Variants in CSGALNACT1 observed in about 807,000 individuals in gnomAD.
CSGALNACT1 encodes the protein chondroitin sulfate N-acetylgalactosaminyltransferase 1.
In CSGALNACT1, 52 loss-of-function variants were observed where a neutral mutation model predicts 51.0. That is an observed-to-expected ratio of 1.02 (90% confidence interval 0.82 to 1.29). The LOEUF is 1.29. Among genes scored for constraint, CSGALNACT1 ranks in the 50% most tolerant of loss-of-function variants. CSGALNACT1 has a pLI of 0.00. For synonymous variants in CSGALNACT1, 341 were observed against 254.4 expected, an observed-to-expected ratio of 1.34 and a Z score of -3.24; for missense variants, 935 against 679.2, an observed-to-expected ratio of 1.38 and a Z score of -4.19.
chr8:19,493,002 G>A (rs1375322551), intron 4 of CSGALNACT1, among the ~76,000 whole-genome samples: 4 of 151,060 alleles, frequency 2.6e-5, no homozygotes, highest in East Asian at 3.9e-4. Context: ...ACTGACATAA[G>A]TGAGAAAGAG....
At chr8:19,701,209 G>A (rs1399563086) in intron 1 of CSGALNACT1, among the ~76,000 whole-genome samples, 2 of 142,206 alleles carry the variant, frequency 1.4e-5, no homozygotes, top group Non-Finnish European at 3.0e-5. Flanking sequence ...AGGCTGGAGT[G>A]CAGTGGGGTG....
chr8:19,415,063 C>A (rs1056214071), intron 8 of CSGALNACT1, among the ~76,000 whole-genome samples: 2 of 152,216 alleles, frequency 1.3e-5, no homozygotes, highest in Non-Finnish European at 2.9e-5. Flanking sequence ...CAGTTCTCAT[C>A]TAGATCCTAA....
At chr8:19,671,615 T>C (rs1347892130) in intron 1 of CSGALNACT1, among the ~76,000 whole-genome samples, 1 of 152,168 alleles carries the variant, frequency 6.6e-6, no homozygotes, top group African/African-American at 2.4e-5. Context: ...TCCCGCAACT[T>C]ATATTCTATT....
At chr8:19,745,919 G>A (rs1362103501) in intron 1 of CSGALNACT1, among the ~76,000 whole-genome samples, 1 of 152,146 alleles carries the variant, frequency 6.6e-6, no homozygotes, top group Non-Finnish European at 1.5e-5. Flanking sequence ...GGGTAAGGAA[G>A]GGGAGTTGGC....
intron 1 of CSGALNACT1, among the ~76,000 whole-genome samples, chr8:19,708,106 C>A (rs1029216238): frequency 2.3e-4 from 35 of 152,180 alleles, no homozygotes; most frequent in Admixed American, 2.1e-3. Context: ...CAGACAGGTG[C>A]TAAGGAGGGG....
At chr8:19,736,692 A>G (rs1160927871) in intron 1 of CSGALNACT1, among the ~76,000 whole-genome samples, 6 of 152,162 alleles carry the variant, frequency 3.9e-5, no homozygotes, top group Non-Finnish European at 8.8e-5. Context: ...AACAGAAAAT[A>G]GAGCTGAAAA....
At chr8:19,622,977 A>G (rs2054006672) in intron 1 of CSGALNACT1, among the ~76,000 whole-genome samples, 1 of 152,224 alleles carries the variant, frequency 6.6e-6, no homozygotes, top group Non-Finnish European at 1.5e-5. Context: ...ACGGGTTGAT[A>G]GGTACTGCAA....
chr8:19,449,689 A>G (rs1283369597), intron 5 of CSGALNACT1, among the ~76,000 whole-genome samples: 1 of 152,248 alleles, frequency 6.6e-6, no homozygotes, highest in East Asian at 1.9e-4. Flanking sequence ...TGTTAGAAAG[A>G]GAACATTAAG....
chr8:19,593,264 G>A (rs532245045), intron 2 of CSGALNACT1, among the ~76,000 whole-genome samples: 1 of 152,334 alleles, frequency 6.6e-6, no homozygotes, highest in South Asian at 2.1e-4. Flanking sequence ...TCAGCCTGCT[G>A]AAGACTGTGC....
At chr8:19,486,132 A>C (rs922771871) in intron 4 of CSGALNACT1, among the ~76,000 whole-genome samples, 1 of 151,912 alleles carries the variant, frequency 6.6e-6, no homozygotes, top group Non-Finnish European at 1.5e-5. Flanking sequence ...TGGGAGAAAA[A>C]AAAAACAAAA....
At chr8:19,682,706 T>C (rs1248390452), upstream of CSGALNACT1, 2 of 454,004 alleles carry the variant, frequency 4.4e-6, no homozygotes, top group Non-Finnish European at 8.8e-6. Context: ...CTCCGTGCAA[T>C]TCGGGGCCAC....
chr8:19,618,629 C>CAAAAAAAAAAAAA (rs60787326), intron 1 of CSGALNACT1, among the ~76,000 whole-genome samples: 30 of 64,036 alleles, frequency 4.7e-4, no homozygotes, highest in Admixed American at 7.6e-4. Flanking sequence ...AATACTCCAT[C>CAAAAAAAAAAAAA]AAAAAAAAAA....
At chr8:19,420,010 A>G (rs74707164) in intron 7 of CSGALNACT1, among the ~76,000 whole-genome samples, 344 of 152,250 alleles carry the variant, frequency 2.3e-3, no homozygotes, top group African/African-American at 8.1e-3. Flanking sequence ...TGTACATGGG[A>G]GTTCCCTTAC....
chr8:19,542,704 A>T (rs1035562160), intron 3 of CSGALNACT1, among the ~76,000 whole-genome samples: 1 of 152,168 alleles, frequency 6.6e-6, no homozygotes, highest in African/African-American at 2.4e-5. Flanking sequence ...TTCATTATCT[A>T]ATCATTTTTA....
intron 8 of CSGALNACT1, among the ~76,000 whole-genome samples, chr8:19,409,129 T>G (rs1347669595): frequency 6.6e-6 from 1 of 151,982 alleles, no homozygotes; most frequent in African/African-American, 2.4e-5. Flanking sequence ...CTCAGGAAGT[T>G]GAGAAAAGGG....
At chr8:19,508,819 G>T (rs992869141) in intron 3 of CSGALNACT1, among the ~76,000 whole-genome samples, 1 of 152,196 alleles carries the variant, frequency 6.6e-6, no homozygotes, top group Non-Finnish European at 1.5e-5. Context: ...TGAAAAGCAT[G>T]TTGGCTAACT....
intron 3 of CSGALNACT1, among the ~76,000 whole-genome samples, chr8:19,516,472 G>C (rs1292228962): frequency 2.0e-5 from 3 of 152,048 alleles, no homozygotes; most frequent in Non-Finnish European, 2.9e-5. Flanking sequence ...TTATTTATGA[G>C]CTTGCCTGGC....
intron 4 of CSGALNACT1, among the ~76,000 whole-genome samples, chr8:19,466,705 T>G (rs754447351): frequency 3.9e-5 from 6 of 152,060 alleles, no homozygotes; most frequent in Non-Finnish European, 7.4e-5. Flanking sequence ...AATCCTCACA[T>G]GCTCAGACGC....
chr8:19,620,982 A>C (rs559344286), intron 1 of CSGALNACT1, among the ~76,000 whole-genome samples: 1 of 152,208 alleles, frequency 6.6e-6, no homozygotes, highest in Non-Finnish European at 1.5e-5. Context: ...CTGAAAAAAT[A>C]GAAACTTAAC....
Sources: allele counts gnomAD v4.1 joint callset (sites outside exome capture counted in the v4.1 genomes callset), GRCh38; gene constraint gnomAD v4.1.1; transcripts MANE v1.5; gene names NCBI Gene and HGNC (gene_info 2026-07-23, HGNC 2026-07-21).